Variants in CHCHD6 observed in about 807,000 individuals in gnomAD.
The protein encoded by CHCHD6 is MICOS complex subunit MIC25.
Under a neutral mutation model 32.3 loss-of-function variants are expected in CHCHD6, and 28 were observed. That is an observed-to-expected ratio of 0.87 (90% CI 0.64 to 1.19). The LOEUF is 1.19. Among genes scored for constraint, CHCHD6 ranks in the 50% most tolerant of loss-of-function variants. CHCHD6 has a pLI of 0.00. For synonymous variants in CHCHD6, 122 were observed against 117.5 expected (o/e 1.04, Z -0.25); for missense variants, 333 against 307.0 (o/e 1.08, Z -0.63).
chr3:126,790,920 T>G (rs1938502575), intron 4 of CHCHD6, among the ~76,000 whole-genome samples: 1 of 152,096 alleles, frequency 6.6e-6, no homozygotes, highest in African/African-American at 2.4e-5. Flanking sequence ...AATTTTCAGT[T>G]TTTCTCTTCT....
chr3:126,957,961 G>A (rs992975421), intron 7 of CHCHD6: 2 of 326,952 alleles, frequency 6.1e-6, no homozygotes, highest in Non-Finnish European at 1.2e-5. Flanking sequence ...ATCTGGAAGA[G>A]GAGTGGGAGC....
intron 4 of CHCHD6, among the ~76,000 whole-genome samples, chr3:126,829,044 C>T (rs1009300422): frequency 2.6e-5 from 4 of 152,188 alleles, no homozygotes; most frequent in African/African-American, 9.6e-5. Flanking sequence ...GGGTTATTTC[C>T]TAAACCTTCT....
chr3:126,820,123 C>T (rs1322313869), intron 4 of CHCHD6, among the ~76,000 whole-genome samples: 1 of 152,164 alleles, frequency 6.6e-6, no homozygotes, highest in African/African-American at 2.4e-5. Context: ...AGGAAACTGC[C>T]CATCTCCACT....
At chr3:126,945,345 CCCACCAT>C (rs1424454709) in intron 6 of CHCHD6, among the ~76,000 whole-genome samples, 19 of 151,952 alleles carry the variant, frequency 1.3e-4, no homozygotes, top group Admixed American at 1.2e-3. Flanking sequence ...CCAGAGCACC[CCCACCAT>C]CATGAGTCAG....
chr3:126,856,245 T>C (rs922125855), intron 5 of CHCHD6, among the ~76,000 whole-genome samples: 2 of 152,188 alleles, frequency 1.3e-5, no homozygotes, highest in African/African-American at 4.8e-5. Context: ...GGCCCATGGG[T>C]TGGACAAGCT....
At chr3:126,929,036 G>A (rs1421861424) in intron 6 of CHCHD6, among the ~76,000 whole-genome samples, 1 of 152,216 alleles carries the variant, frequency 6.6e-6, no homozygotes, top group Non-Finnish European at 1.5e-5. Flanking sequence ...TGACTCTTGG[G>A]AGCTTCCTAG....
Position 126,957,527 on chromosome 3 carries a change from G to A in CHCHD6, c.678G>A (p.Gln226=). ...GCTCGGACCTGGTCAAGGCATACCAGCGCTGCGTGAGCGCCGCCCACAAGG... is the reference window on the plus strand; with the variant it reads ...GCTCGGACCTGGTCAAGGCATACCAACGCTGCGTGAGCGCCGCCCACAAGG... ...LLCSDLVKAY[Q]RCVSAAHKG Residue 226 remains glutamine, a synonymous_variant, in exon 7 of 8, where the codon CAG becomes CAA. Coordinates refer to ENST00000290913, the MANE Select transcript of CHCHD6 (RefSeq NM_032343.3). The A allele has an allele frequency of 6.3e-7, 1 of 1,580,828 alleles. No homozygotes were observed. The highest frequency in any genetic ancestry group is 8.6e-7 in the Non-Finnish European group (1 of 1,163,668).
chr3:126,888,200 C>T (rs543378880), intron 5 of CHCHD6, among the ~76,000 whole-genome samples: 1 of 152,286 alleles, frequency 6.6e-6, no homozygotes, highest in African/African-American at 2.4e-5. Context: ...GACAGAAGAG[C>T]TGGAGGCCCT....
chr3:126,766,893 C>T (rs954252354), intron 4 of CHCHD6: 9 of 1,017,972 alleles, frequency 8.8e-6, no homozygotes, highest in African/African-American at 3.1e-5. Flanking sequence ...CCATCTCATC[C>T]TGCTCTGCGT....
intron 2 of CHCHD6, 152 bp downstream of exon 2, chr3:126,727,338 A>G (rs2107656872): frequency 2.1e-6 from 1 of 469,754 alleles, no homozygotes; most frequent in East Asian, 3.3e-5. Flanking sequence ...CCGGAAGAGC[A>G]TGGCTTTCTG....
chr3:126,933,164 A>T (rs540335933), intron 6 of CHCHD6, among the ~76,000 whole-genome samples: 1 of 152,250 alleles, frequency 6.6e-6, no homozygotes, highest in Admixed American at 6.5e-5. Context: ...CCCTTCTGGA[A>T]TGGAAGCCCT....
chr3:126,714,109 G>A (rs1222552698), intron 1 of CHCHD6, among the ~76,000 whole-genome samples: 1 of 149,430 alleles, frequency 6.7e-6, no homozygotes, highest in Non-Finnish European at 1.5e-5. Context: ...AAAAAGTTGG[G>A]AGGCTTTACA....
chr3:126,957,422 C>T lies in CHCHD6; in HGVS notation c.573C>T (p.Arg191=). ...ASKMESTIKP[R]RVEPVCSGLQ... ...CTGCTCTTGTCTTCTGCAGGCCCCG[C>T]AGGGTGGAGCCCGTCTGCTCAGGGT... Residue 191 remains arginine (R), a synonymous_variant, in exon 7 of 8, where the codon CGC becomes CGT. Transcript: ENST00000290913. The T allele has an allele frequency of 6.2e-7, 1 of 1,611,114 alleles. No homozygotes were observed. Among genetic ancestry groups the T allele is most frequent in the Non-Finnish European group, 8.5e-7 (1 of 1,179,210 alleles).
intron 6 of CHCHD6, chr3:126,957,195 T>G (rs1388850955): frequency 1.8e-5 from 11 of 599,856 alleles, no homozygotes; most frequent in Non-Finnish European, 2.7e-5. Flanking sequence ...GTCTGCTATA[T>G]TGTGAGCCTA....
intron 5 of CHCHD6, among the ~76,000 whole-genome samples, chr3:126,884,907 G>A (rs1436497825): frequency 6.6e-6 from 1 of 152,206 alleles, no homozygotes; most frequent in African/African-American, 2.4e-5. Flanking sequence ...CCGACGTGTT[G>A]TTGGGTTATC....
At chr3:126,767,007 A>G in intron 4 of CHCHD6, 1 of 873,942 alleles carries the variant, frequency 1.1e-6, no homozygotes. Context: ...ACACAGCTAC[A>G]TTTGGTACAG....
At chr3:126,779,522 C>T (rs1422314530) in intron 4 of CHCHD6, among the ~76,000 whole-genome samples, 7 of 124,150 alleles carry the variant, frequency 5.6e-5, no homozygotes, top group Non-Finnish European at 7.9e-5. Flanking sequence ...GGCAACAGAG[C>T]GAGACTCCAT....
intron 4 of CHCHD6, among the ~76,000 whole-genome samples, chr3:126,829,405 T>A (rs905289298): frequency 6.6e-6 from 1 of 152,054 alleles, no homozygotes; most frequent in Admixed American, 6.5e-5. Flanking sequence ...CTCCCACATA[T>A]CAGCTCTCCT....
chr3:126,797,208 G>T (rs1244035994), intron 4 of CHCHD6, among the ~76,000 whole-genome samples: 1 of 152,192 alleles, frequency 6.6e-6, no homozygotes, highest in East Asian at 1.9e-4. Flanking sequence ...ACCTGGGCAT[G>T]TGGAAGCATT....
Sources: allele counts gnomAD v4.1 joint callset (sites outside exome capture counted in the v4.1 genomes callset), GRCh38; gene constraint gnomAD v4.1.1; transcripts MANE v1.5; gene names NCBI Gene and HGNC (gene_info 2026-07-23, HGNC 2026-07-21).